DNAAF5: variants seen among roughly 807,000 people sequenced by gnomAD.
DNAAF5 encodes the protein HEAT repeat containing 2.
Under a neutral mutation model 75.8 loss-of-function variants are expected in DNAAF5, and 64 were observed. That is an observed-to-expected ratio of 0.84 (90% CI 0.69 to 1.04). The LOEUF (loss-of-function observed/expected upper bound fraction) is 1.04. Among genes scored for constraint, DNAAF5 ranks in the 50% least tolerant of loss-of-function variants. DNAAF5 has a pLI of 0.00. For synonymous variants in DNAAF5, 657 were observed against 557.2 expected, an observed-to-expected ratio of 1.18 and a Z score of -2.52; for missense variants, 1,269 against 1,178.5, an observed-to-expected ratio of 1.08 and a Z score of -1.12.
At position 756,769 on chromosome 7, in the gene DNAAF5, T is replaced by G; in HGVS notation, c.1258-13T>G. ...GGTTTGGCTCTGAGTTTTCTCATGT[T>G]TCTTTCTCGCAGTGTACCAGATCCG... On this transcript the variant is annotated splice_polypyrimidine_tract_variant and intron_variant, in intron 5 of 12. Transcript: ENST00000297440. 6.2e-7 allele frequency: 1 copy of G among 1,610,064 alleles called. No homozygotes were observed. Among genetic ancestry groups the G allele is most frequent in the Non-Finnish European group, 8.5e-7 (1 of 1,177,162 alleles).
chr7:739,999 G>A (rs529470158), intron 2 of DNAAF5, among the ~76,000 whole-genome samples: 36 of 152,124 alleles, frequency 2.4e-4, no homozygotes, highest in South Asian at 1.7e-3. Context: ...TGCTCCCCAC[G>A]GCCCAGCCAG....
At chr7:735,920 C>T (rs1310971928) in intron 2 of DNAAF5, among the ~76,000 whole-genome samples, 1 of 152,178 alleles carries the variant, frequency 6.6e-6, no homozygotes, top group South Asian at 2.1e-4. Context: ...TTGCTATACA[C>T]TTGCCTCTTA....
In DNAAF5 at chr7:736,697, C is replaced by T. The variant is rs114006549; in HGVS notation, c.781-4122C>T. Among the ~76,000 whole-genome samples the T allele has an allele frequency of 7.5e-3, 1,136 of 152,220 alleles. 16 individuals are homozygous for T. The highest frequency in any genetic ancestry group is 0.026 in the African/African-American group (1,068 of 41,522). ...TTGAATGGAGAGTTTAGTCTGGTTA[C>T]GTTCAATGTTGTTATTGATAAGTAA... On this transcript the variant is annotated intron_variant, in intron 2 of 12. Transcript: ENST00000297440.
At chr7:782,594 G>T (rs201594082) in intron 12 of DNAAF5, among the ~76,000 whole-genome samples, 43 of 143,742 alleles carry the variant, frequency 3.0e-4, no homozygotes, top group Admixed American at 1.0e-3. Flanking sequence ...CGGCGTGGCC[G>T]CGTCCCGTTA....
rs1371296741 is a variant in DNAAF5 at position 753,333 on chromosome 7, C to T, written c.1025-1256C>T. 2.0e-5 allele frequency among the ~76,000 whole-genome samples: 3 copies of T among 152,294 alleles called. No homozygotes were observed. In the East Asian group the frequency reaches 5.8e-4, roughly 29 times the overall value. ...GCGGGCACAGGCGGGCCTCAGAAAA[C>T]GATGCAGAGTGAAAGAAGCGGAGAA... On this transcript the variant is annotated intron_variant, in intron 4 of 12. Coordinates refer to ENST00000297440, the MANE Select transcript of DNAAF5 (RefSeq NM_017802.4).
chr7:757,473 G>T (rs113248039), intron 6 of DNAAF5, among the ~76,000 whole-genome samples: 1 of 151,230 alleles, frequency 6.6e-6, no homozygotes, highest in African/African-American at 2.4e-5. Flanking sequence ...TGCACAGATC[G>T]CACGTCCTCA....
chr7:754,875 C>A lies in DNAAF5; in HGVS notation c.1257+54C>A. On this transcript the variant is annotated intron_variant, in intron 5 of 12. Coordinates refer to ENST00000297440, the MANE Select transcript of DNAAF5 (RefSeq NM_017802.4). This position sits in a 1 kb window ranked among gnomAD's most constrained non-coding sequence, Gnocchi z 4.8. ...CGGAGCTGTAACTCGAGCTTAAGAT[C>A]CCGCCTCTGTGGTGTGCGGGGCCCG... The A allele has an allele frequency of 1.5e-6, 2 of 1,362,264 alleles. No individual in the cohort carries two copies. Among genetic ancestry groups the A allele is most frequent in the Non-Finnish European group, 2.0e-6 (2 of 987,850 alleles). The allele number at this position is 1,362,264 out of a possible 1,614,324, so 84.4% of individuals were successfully genotyped here.
At chr7:769,000 C>A in intron 8 of DNAAF5, 2 of 607,622 alleles carry the variant, frequency 3.3e-6, no homozygotes, top group South Asian at 1.9e-5. Flanking sequence ...TGCAACGCCT[C>A]CTGCCCGGCT....
At chr7:741,556 G>A in intron 4 of DNAAF5, 91 bp downstream of exon 4, 2 of 791,094 alleles carry the variant, frequency 2.5e-6, no homozygotes, top group East Asian at 5.4e-5. Context: ...TTCAGCTCTT[G>A]CAGTTCTGAG....
intron 3 of DNAAF5, 103 bp downstream of exon 3, chr7:741,046 C>A: frequency 1.4e-6 from 2 of 1,381,140 alleles, no homozygotes; most frequent in Non-Finnish European, 2.0e-6. Context: ...TGCTGGTGTC[C>A]CTTTGTCCCT....
Position 785,841 on chromosome 7 carries a change from AT to A in DNAAF5, c.*191del. The A allele has an allele frequency of 1.6e-6, 1 of 635,104 alleles. No homozygotes were observed. The highest frequency in any genetic ancestry group is 2.1e-5 in the South Asian group (1 of 46,682). The allele number at this position is 635,104 out of a possible 1,614,324, so 39.3% of individuals were successfully genotyped here. A position where few individuals can be genotyped will look rare whatever the true frequency, so the allele number is the denominator to read the frequency against. On this transcript the variant is annotated 3_prime_UTR_variant, in exon 13 of 13. Coordinates refer to ENST00000297440, the MANE Select transcript of DNAAF5 (RefSeq NM_017802.4). ...CTGAGTGGATTCTGCATGTTATGTG[AT>A]TTGTTCTGTTCATCGAGAGGGCTCC... is the stretch of plus-strand genomic sequence containing the variant.
At position 729,738 on chromosome 7, in the gene DNAAF5, G is replaced by T; in HGVS notation, c.671G>T (p.Arg224Leu). The T allele has an allele frequency of 6.2e-7, 1 of 1,614,140 alleles. No individual in the cohort carries two copies. ...QTISHQHWKV[R>L]VAAIEATGAV... is the part of the protein sequence containing the mutation. The stretch of plus-strand genomic sequence containing the variant: ...ATCTCCCACCAGCACTGGAAGGTCC[G>T]TGTGGCCGCCATTGAAGCCACAGGC... Residue 224 changes from arginine to leucine, a missense_variant, in exon 2 of 13, where the codon CGT (arginine) becomes CTT (leucine). Arg to Leu is a moderately radical substitution (Grantham distance 102, BLOSUM62 -2). Coordinates refer to ENST00000297440, the MANE Select transcript of DNAAF5 (RefSeq NM_017802.4).
intron 4 of DNAAF5, among the ~76,000 whole-genome samples, chr7:748,556 C>T (rs906893415): frequency 1.3e-5 from 2 of 152,198 alleles, no homozygotes; most frequent in African/African-American, 4.8e-5. Flanking sequence ...ACAGCCAGGC[C>T]TCAGCTCCAG....
At chr7:783,566 C>T (rs34583940) in intron 12 of DNAAF5, among the ~76,000 whole-genome samples, 118,819 of 152,172 alleles carry the variant, frequency 0.78, 46,682 homozygotes, top group South Asian at 0.86. Context: ...AGCCCCAGAG[C>T]CCATTGATCC....
At chr7:770,431 C>T (rs1474296827) in intron 8 of DNAAF5, 40 bp from the exon 9 acceptor site, 2 of 1,594,740 alleles carry the variant, frequency 1.3e-6, no homozygotes, top group Non-Finnish European at 8.5e-7. Flanking sequence ...CCTCCCGTCT[C>T]CTGAGGGCCG....
rs143092140 is a variant in DNAAF5, at chr7:761,521, C to T, written c.1471-232C>T. The stretch of plus-strand genomic sequence containing the variant: ...AGGAGCAAAGTCACGTCTTACGTGG[C>T]GGCAGGCGAGAGAGTGTGCAGGGGA... On this transcript the variant is annotated intron_variant, in intron 6 of 12. Transcript: ENST00000297440. Among the ~76,000 whole-genome samples the T allele has an allele frequency of 6.2e-3, 945 of 152,338 alleles. 12 individuals carry two copies. Among genetic ancestry groups the T allele is most frequent in the African/African-American group, 0.022 (896 of 41,568 alleles).
intron 11 of DNAAF5, among the ~76,000 whole-genome samples, chr7:777,582 G>A (rs74656845): frequency 0.032 from 4,865 of 150,830 alleles, 125 homozygotes; most frequent in Non-Finnish European, 0.048. Context: ...TGGGGTGGGC[G>A]GGAAGCGGCC....
chr7:754,811 T>C lies in DNAAF5; in HGVS notation c.1247T>C (p.Val416Ala), dbSNP rs762606868. The C allele has an allele frequency of 3.1e-5, 50 of 1,603,072 alleles. No homozygotes were observed. Among genetic ancestry groups the C allele is most frequent in the Non-Finnish European group, 4.0e-5 (47 of 1,172,656 alleles). The change falls in exon 5 of 13, where the codon GTG becomes GCG. Residue 416 changes from valine to alanine, a missense_variant. Val to Ala is a moderately conservative substitution (Grantham distance 64, BLOSUM62 0). Coordinates refer to ENST00000297440, the MANE Select transcript of DNAAF5 (RefSeq NM_017802.4). The surrounding 1 kb of genome is among the most constrained non-coding windows in gnomAD (Gnocchi z 4.8). ...GCCTGCACCGACGAGGAGGCAGCCGTGGTCCAAAGTGTAAGTGGCCGTATT... is the reference window on the plus strand; with the variant it reads ...GCCTGCACCGACGAGGAGGCAGCCGCGGTCCAAAGTGTAAGTGGCCGTATT... ...FQACTDEEAAVVQSCTRSAEL... is the reference protein window; with the variant it reads ...FQACTDEEAAAVQSCTRSAEL...
At position 785,678 on chromosome 7, in the gene DNAAF5, A is replaced by C. The variant is rs767150751; in HGVS notation, c.*25A>C. On this transcript the variant is annotated 3_prime_UTR_variant, in exon 13 of 13. Transcript: ENST00000297440. ...ACCACGCTGGTTTCAGCCACGGCAC[A>C]CCCTTGTCCCCACCTGAGCCAGAGT... 6.2e-7 allele frequency: 1 copy of C among 1,606,936 alleles called. No individual in the cohort carries two copies. Among genetic ancestry groups the C allele is most frequent in the Non-Finnish European group, 8.5e-7 (1 of 1,176,384 alleles).
Sources: allele counts gnomAD v4.1 joint callset (sites outside exome capture counted in the v4.1 genomes callset), GRCh38; gene constraint gnomAD v4.1.1; non-coding constraint Gnocchi (gnomAD v3.1); transcripts MANE v1.5; gene names NCBI Gene and HGNC (gene_info 2026-07-23, HGNC 2026-07-21).